Variants in MAPK6 observed in about 807,000 individuals in gnomAD.
MAPK6 encodes the protein mitogen-activated protein kinase 6.
In MAPK6, 19 loss-of-function variants were observed where a neutral mutation model predicts 59.3. That is an observed-to-expected ratio of 0.32 (90% CI 0.22 to 0.47). MAPK6 has a LOEUF of 0.47. Ranked by LOEUF, MAPK6 falls within the 20% of genes least tolerant of loss-of-function variation. MAPK6 has a pLI of 1.00. For synonymous variants in MAPK6, 316 were observed against 290.3 expected, an observed-to-expected ratio of 1.09 and a Z score of -0.90; for missense variants, 724 against 847.9, an observed-to-expected ratio of 0.85 and a Z score of 1.81.
chr15:52,027,079 C>T (rs115116929), intron 1 of MAPK6, among the ~76,000 whole-genome samples: 2,079 of 150,538 alleles, frequency 0.014, 55 homozygotes, highest in African/African-American at 0.049. Flanking sequence ...CACAGCCGGG[C>T]GCGGTGGCTA....
chr15:52,054,521 CT>C (rs1246751783), intron 3 of MAPK6, among the ~76,000 whole-genome samples: 1 of 152,136 alleles, frequency 6.6e-6, no homozygotes, highest in Non-Finnish European at 1.5e-5. Context: ...TGTAAAATAT[CT>C]TTTTGTGACC....
intron 1 of MAPK6, among the ~76,000 whole-genome samples, chr15:51,974,725 T>TCC (rs554609196): frequency 6.9e-6 from 1 of 144,022 alleles, no homozygotes; most frequent in African/African-American, 2.6e-5. Context: ...ATTTCTTTTT[T>TCC]CCCCCCCCGC....
chr15:51,980,737 C>G (rs113064811), intron 1 of MAPK6, among the ~76,000 whole-genome samples: 1 of 150,954 alleles, frequency 6.6e-6, no homozygotes, highest in East Asian at 1.9e-4. Flanking sequence ...ACTACAGGCG[C>G]ATACCACCAC....
At chr15:52,056,547 G>A (rs1329589918) in intron 3 of MAPK6, 2 of 151,962 alleles carry the variant, frequency 1.3e-5, no homozygotes, top group African/African-American at 4.9e-5. Flanking sequence ...GGTCACCAGT[G>A]ATCTCCATAA....
At position 52,046,174 on chromosome 15, in the gene MAPK6, T is replaced by C; in HGVS notation, c.-287T>C. The C allele has an allele frequency of 3.5e-6, 1 of 287,502 alleles. No individual in the cohort carries two copies. The highest frequency in any genetic ancestry group is 5.6e-5 in the South Asian group (1 of 17,850). 17.8% of individuals were successfully genotyped at this position (287,502 alleles called of 1,614,324 possible). Reference sequence around the variant, plus strand: ...AGTATGTCATTTCATTCCGTTTGAGTTTCTTGTTTTCGTTAAATGTCTGCA... The same window carrying C: ...AGTATGTCATTTCATTCCGTTTGAGCTTCTTGTTTTCGTTAAATGTCTGCA... On this transcript the variant is annotated 5_prime_UTR_variant, in exon 2 of 6. Transcript: ENST00000261845.
chr15:51,979,369 A>G (rs2057166476), intron 1 of MAPK6, among the ~76,000 whole-genome samples: 1 of 151,808 alleles, frequency 6.6e-6, no homozygotes, highest in Non-Finnish European at 1.5e-5. Flanking sequence ...TCAGTTTAGT[A>G]GGATTATTTG....
chr15:52,009,745 C>T (rs2030001427), intron 3 of MAPK6, among the ~76,000 whole-genome samples: 1 of 151,994 alleles, frequency 6.6e-6, no homozygotes, highest in African/African-American at 2.4e-5. Context: ...ACAAGGAAAG[C>T]CAGGTTTTGT....
chr15:52,058,856 T>C (rs2032088612), intron 4 of MAPK6, 59 bp downstream of exon 4: 1 of 1,427,472 alleles, frequency 7.0e-7, no homozygotes, highest in Non-Finnish European at 9.4e-7. Flanking sequence ...AGAATCTGTG[T>C]AGGGAAGCTG....
At chr15:52,003,187 TA>T (rs907233766) in intron 2 of MAPK6, among the ~76,000 whole-genome samples, 69 of 145,768 alleles carry the variant, frequency 4.7e-4, no homozygotes, top group African/African-American at 1.7e-3. Context: ...AACTCCGTCT[TA>T]AAAAAAAAAC....
chr15:52,006,192 T>C (rs1313600634), intron 3 of MAPK6, among the ~76,000 whole-genome samples: 1 of 152,210 alleles, frequency 6.6e-6, no homozygotes, highest in Non-Finnish European at 1.5e-5. Context: ...AACAATATGC[T>C]AGGCCTGTTT....
chr15:52,019,868 C>G (rs2030445434), intron 1 of MAPK6: 1 of 152,706 alleles, frequency 6.5e-6, no homozygotes, highest in African/African-American at 2.4e-5. Flanking sequence ...TACTGGCACG[C>G]TGCCTTTCGA....
At chr15:52,041,516 T>C (rs2031416159) in intron 1 of MAPK6, among the ~76,000 whole-genome samples, 1 of 152,188 alleles carries the variant, frequency 6.6e-6, no homozygotes, top group South Asian at 2.1e-4. Flanking sequence ...CTTTATGAAA[T>C]TAAGCATGAA....
chr15:51,974,681 A>AG (rs1555394573), intron 1 of MAPK6, among the ~76,000 whole-genome samples: 2,190 of 126,582 alleles, frequency 0.017, 154 homozygotes, highest in Admixed American at 0.047. Context: ...AAAAAAAAAA[A>AG]GATGATCTTG....
chr15:51,992,429 G>A (rs968444083), intron 2 of MAPK6, among the ~76,000 whole-genome samples: 1 of 151,702 alleles, frequency 6.6e-6, no homozygotes, highest in Admixed American at 6.6e-5. Flanking sequence ...AGCCTCCCGG[G>A]TAGCTGGAAC....
At chr15:52,013,442 T>G (rs974851536) in intron 3 of MAPK6, among the ~76,000 whole-genome samples, 4 of 152,184 alleles carry the variant, frequency 2.6e-5, no homozygotes, top group Admixed American at 2.6e-4. Flanking sequence ...ATTTGGTAGT[T>G]TGTCTTCATA....
At chr15:51,997,990 C>A (rs1254435063) in intron 2 of MAPK6, among the ~76,000 whole-genome samples, 2 of 148,742 alleles carry the variant, frequency 1.3e-5, no homozygotes, top group Non-Finnish European at 3.0e-5. Flanking sequence ...TGTCACCAGG[C>A]TGGAGTGCAG....
At chr15:52,055,022 T>G (rs2141108503) in intron 3 of MAPK6, among the ~76,000 whole-genome samples, 1 of 152,300 alleles carries the variant, frequency 6.6e-6, no homozygotes, top group East Asian at 1.9e-4. Flanking sequence ...TCAGGTGATC[T>G]GTGTGCCTTG....
intron 2 of MAPK6, among the ~76,000 whole-genome samples, chr15:51,987,473 C>T (rs959738214): frequency 3.3e-5 from 5 of 151,998 alleles, no homozygotes; most frequent in Admixed American, 2.0e-4. Context: ...GGCATGGTGG[C>T]GTGCACCTGT....
At position 52,046,202 on chromosome 15, in the gene MAPK6, G is replaced by A. The variant is rs1212423950; in HGVS notation, c.-259G>A. ...CTTGTTTTCGTTAAATGTCTGCAGA[G>A]TTGCTGCCCCTTTCTTGAACTATGA... On this transcript the variant is annotated 5_prime_UTR_variant, in exon 2 of 6. Coordinates refer to ENST00000261845, the MANE Select transcript of MAPK6 (RefSeq NM_002748.4). The A allele has an allele frequency of 2.9e-6, 1 of 341,392 alleles. No individual in the cohort carries two copies. The highest frequency in any genetic ancestry group is 2.1e-5 in the African/African-American group (1 of 46,958). The allele number at this position is 341,392 out of a possible 1,614,324, so 21.1% of individuals were successfully genotyped here. A position where few individuals can be genotyped will look rare whatever the true frequency, so the allele number is the denominator to read the frequency against.
Sources: gnomAD v4.1 joint callset for allele counts (sites outside exome capture counted in the v4.1 genomes callset) on GRCh38, gnomAD v4.1.1 for gene constraint, MANE v1.5 for transcripts, NCBI Gene and HGNC (gene_info 2026-07-23, HGNC 2026-07-21) for gene names.